SNTB1: variants seen among roughly 807,000 people sequenced by gnomAD.
SNTB1 encodes the protein beta-1-syntrophin.
Under a neutral mutation model 48.9 loss-of-function variants are expected in SNTB1, and 36 were observed. That is an observed-to-expected ratio of 0.74 (90% confidence interval 0.56 to 0.97). The LOEUF (loss-of-function observed/expected upper bound fraction) is 0.97. Ranked by LOEUF, SNTB1 falls within the 50% of genes least tolerant of loss-of-function variation. The pLI, the probability that SNTB1 is intolerant of heterozygous loss-of-function variation, is 0.00. For synonymous variants in SNTB1, 299 were observed against 294.6 expected (o/e 1.01, Z -0.15); for missense variants, 786 against 703.4 (o/e 1.12, Z -1.33).
At chr8:120,571,424 G>GCA (rs1233436807) in intron 4 of SNTB1, 2 of 936,678 alleles carry the variant, frequency 2.1e-6, no homozygotes, top group Non-Finnish European at 3.0e-6. Context: ...GGACCCCAAG[G>GCA]CACAGCCTGA....
chr8:120,807,663 A>T (rs888736926), intron 1 of SNTB1, among the ~76,000 whole-genome samples: 1 of 152,004 alleles, frequency 6.6e-6, no homozygotes, highest in African/African-American at 2.4e-5. Context: ...GGTTTTTAAG[A>T]CTCACTCCTC....
At chr8:120,572,829 C>T (rs1371210893) in intron 4 of SNTB1, among the ~76,000 whole-genome samples, 3 of 152,132 alleles carry the variant, frequency 2.0e-5, no homozygotes, top group Non-Finnish European at 4.4e-5. Context: ...GTAGGAGAAT[C>T]ACTTGAACCC....
intron 6 of SNTB1, among the ~76,000 whole-genome samples, chr8:120,540,658 T>C (rs1815271162): frequency 6.6e-6 from 1 of 152,182 alleles, no homozygotes; most frequent in Non-Finnish European, 1.5e-5. Context: ...AACCTACTGA[T>C]TGAAACATAC....
intron 2 of SNTB1, among the ~76,000 whole-genome samples, chr8:120,642,831 G>A (rs1817218517): frequency 6.6e-6 from 1 of 152,158 alleles, no homozygotes; most frequent in Non-Finnish European, 1.5e-5. Flanking sequence ...AGGATTGCTT[G>A]GGCCCAGGTC....
chr8:120,697,701 C>T (rs142794312), intron 1 of SNTB1, among the ~76,000 whole-genome samples: 19 of 152,244 alleles, frequency 1.2e-4, no homozygotes, highest in Admixed American at 2.6e-4. Context: ...AAGGAAACAA[C>T]GTACCATGTG....
chr8:120,697,152 G>A (rs921038959), intron 1 of SNTB1, among the ~76,000 whole-genome samples: 4 of 152,186 alleles, frequency 2.6e-5, no homozygotes, highest in Non-Finnish European at 4.4e-5. Flanking sequence ...GAAGAAGCAT[G>A]GGGAGTATAG....
intron 1 of SNTB1, among the ~76,000 whole-genome samples, chr8:120,738,159 G>A (rs777180962): frequency 2.6e-5 from 4 of 152,164 alleles, no homozygotes; most frequent in Non-Finnish European, 5.9e-5. Context: ...GACACAGCAA[G>A]AAGACACCTT....
At chr8:120,763,825 A>ATTTG (rs61037568) in intron 1 of SNTB1, among the ~76,000 whole-genome samples, 15,699 of 151,838 alleles carry the variant, frequency 0.1, 2,686 homozygotes, top group African/African-American at 0.35. Flanking sequence ...ACACCAAAAT[A>ATTTG]TTTGTTTGTT....
In SNTB1 at chr8:120,693,714, C is replaced by T; in HGVS notation, c.766G>A (p.Ala256Thr). 3.1e-6 allele frequency: 5 copies of T among 1,613,920 alleles called. No homozygotes were observed. Among genetic ancestry groups the T allele is most frequent in the Non-Finnish European group, 4.2e-6 (5 of 1,179,938 alleles). ...TACCTGTTCTCAGGGTCGGCCAAGG[C>T]CATACTCCGAGTGACGTAGCACATT... Reference protein sequence around the residue: ...LKMCYVTRSMALADPENRQLE... With the variant: ...LKMCYVTRSMTLADPENRQLE... The change falls in exon 2 of 7, where the codon GCC (alanine) becomes ACC (threonine). Residue 256 changes from alanine (A) to threonine (T), a missense_variant. Transcript: ENST00000517992.
intron 3 of SNTB1, among the ~76,000 whole-genome samples, chr8:120,611,031 G>C (rs1164901578): frequency 6.6e-6 from 1 of 152,210 alleles, no homozygotes; most frequent in African/African-American, 2.4e-5. Flanking sequence ...ATTGCTTCCT[G>C]CTGACACAGA....
chr8:120,580,511 T>C (rs1302849444), intron 3 of SNTB1, among the ~76,000 whole-genome samples: 1 of 152,172 alleles, frequency 6.6e-6, no homozygotes, highest in Non-Finnish European at 1.5e-5. Context: ...CTCAAGACAC[T>C]GTTTCCCCCA....
intron 1 of SNTB1, among the ~76,000 whole-genome samples, chr8:120,708,745 T>A (rs1248523577): frequency 1.3e-5 from 2 of 152,326 alleles, no homozygotes; most frequent in African/African-American, 4.8e-5. Context: ...ACATTTTATA[T>A]TTTATAAACT....
intron 2 of SNTB1, among the ~76,000 whole-genome samples, chr8:120,639,819 T>G (rs1817156755): frequency 6.6e-6 from 1 of 152,238 alleles, no homozygotes; most frequent in Non-Finnish European, 1.5e-5. Context: ...GCATGATGCC[T>G]TCAGCTTTGC....
chr8:120,582,511 T>C (rs1342430541), intron 3 of SNTB1, among the ~76,000 whole-genome samples: 1 of 152,112 alleles, frequency 6.6e-6, no homozygotes, highest in Admixed American at 6.5e-5. Flanking sequence ...TTTGAGATCA[T>C]GATCAATAAA....
At chr8:120,742,096 G>T (rs936718531) in intron 1 of SNTB1, among the ~76,000 whole-genome samples, 1 of 152,182 alleles carries the variant, frequency 6.6e-6, no homozygotes, top group Non-Finnish European at 1.5e-5. Context: ...TGGGCTGGAT[G>T]AACAACTGTA....
intron 4 of SNTB1, among the ~76,000 whole-genome samples, chr8:120,560,861 A>G (rs538185459): frequency 1.3e-5 from 2 of 152,290 alleles, no homozygotes; most frequent in Admixed American, 6.5e-5. Flanking sequence ...TATGAGCTGC[A>G]CTTTATAAAC....
intron 2 of SNTB1, among the ~76,000 whole-genome samples, chr8:120,680,471 T>C (rs1817913103): frequency 6.6e-6 from 1 of 152,208 alleles, no homozygotes; most frequent in African/African-American, 2.4e-5. Flanking sequence ...TATCAGCCAA[T>C]AGATACACAC....
intron 1 of SNTB1, among the ~76,000 whole-genome samples, chr8:120,778,565 T>C (rs796822404): frequency 1.8e-4 from 27 of 152,304 alleles, no homozygotes; most frequent in African/African-American, 6.3e-4. Flanking sequence ...AAAACACTTA[T>C]AAAGCTATTG....
At chr8:120,683,581 G>C (rs1817975180) in intron 2 of SNTB1, among the ~76,000 whole-genome samples, 1 of 151,524 alleles carries the variant, frequency 6.6e-6, no homozygotes, top group East Asian at 2.0e-4. Flanking sequence ...GTCAGGTAGT[G>C]GTGGGTGAGT....
Sources: gnomAD v4.1 joint callset for allele counts (sites outside exome capture counted in the v4.1 genomes callset) on GRCh38, gnomAD v4.1.1 for gene constraint, MANE v1.5 for transcripts, NCBI Gene and HGNC (gene_info 2026-07-23, HGNC 2026-07-21) for gene names.